Variants in RAPGEF5 observed in about 807,000 individuals in gnomAD.
The protein encoded by RAPGEF5 is M-Ras-regulated GEF.
Under a neutral mutation model 125.2 loss-of-function variants are expected in RAPGEF5, and 65 were observed. The observed-to-expected ratio is 0.52, with a 90% CI of 0.43 to 0.64. The LOEUF is 0.64. Among genes scored for constraint, RAPGEF5 ranks in the 30% least tolerant of loss-of-function variants. The pLI is 0.00. For synonymous variants in RAPGEF5, 391 were observed against 385.9 expected (o/e 1.01, Z -0.16); for missense variants, 958 against 1,048.1 (o/e 0.91, Z 1.19).
intron 5 of RAPGEF5, among the ~76,000 whole-genome samples, chr7:22,294,776 A>G (rs947245242): frequency 6.6e-6 from 1 of 152,124 alleles, no homozygotes. Context: ...CAGCCACAAC[A>G]TCTCTCACCT....
intron 5 of RAPGEF5, among the ~76,000 whole-genome samples, chr7:22,297,796 G>A (rs954053075): frequency 1.3e-5 from 2 of 152,202 alleles, no homozygotes; most frequent in Non-Finnish European, 2.9e-5. Flanking sequence ...CTGAGTGGAA[G>A]AGGTGTACTA....
intron 8 of RAPGEF5, among the ~76,000 whole-genome samples, chr7:22,223,505 C>T (rs1271138377): frequency 6.6e-6 from 1 of 152,094 alleles, no homozygotes; most frequent in East Asian, 1.9e-4. Context: ...AAGAGAGTTT[C>T]GCTTGCTTAT....
intron 20 of RAPGEF5, among the ~76,000 whole-genome samples, chr7:22,142,991 A>T (rs970330146): frequency 7.9e-5 from 12 of 152,374 alleles, no homozygotes; most frequent in African/African-American, 2.9e-4. Flanking sequence ...GCATGGGGCC[A>T]TATGGAGAAG....
chr7:22,268,242 T>G (rs544945837), intron 6 of RAPGEF5, among the ~76,000 whole-genome samples: 1 of 152,282 alleles, frequency 6.6e-6, no homozygotes, highest in Non-Finnish European at 1.5e-5. Context: ...CACCGTAAGA[T>G]TCTCTCAGGA....
At chr7:22,239,658 C>G (rs28544321) in intron 7 of RAPGEF5, among the ~76,000 whole-genome samples, 5 of 152,088 alleles carry the variant, frequency 3.3e-5, no homozygotes, top group African/African-American at 1.2e-4. Flanking sequence ...TAAGACTCTC[C>G]AAGCTTCTCT....
intron 11 of RAPGEF5, among the ~76,000 whole-genome samples, chr7:22,183,432 C>A (rs889878786): frequency 2.6e-5 from 4 of 151,740 alleles, no homozygotes; most frequent in Non-Finnish European, 5.9e-5. Flanking sequence ...TCCAGTTGTT[C>A]TAGAAAATTA....
chr7:22,356,214 G>A lies in RAPGEF5; in HGVS notation c.231+616C>T, dbSNP rs1334989694. 29 of 985,320 alleles carry A rather than the reference G, an allele frequency of 2.9e-5. No homozygotes were observed. The Middle Eastern group carries it at 1.5e-3, about 53-fold the overall frequency. 61.0% of individuals were successfully genotyped at this position (985,320 alleles called of 1,614,324 possible). On this transcript the variant is annotated intron_variant, in intron 1 of 25. Coordinates refer to ENST00000665637, the MANE Select transcript of RAPGEF5 (RefSeq NM_012294.5). ...AAATCGTATCTGAACACACCATCAG[G>A]AAGTCAATATTGAAGGTTCTTGGGG...
chr7:22,276,009 G>T (rs1252282008), intron 6 of RAPGEF5, among the ~76,000 whole-genome samples: 1 of 152,236 alleles, frequency 6.6e-6, no homozygotes, highest in Non-Finnish European at 1.5e-5. Context: ...TTTCAAAGCT[G>T]CTCTTACAAC....
rs1205830884 is a variant in RAPGEF5, at chr7:22,299,151, G to A, written c.681-7910C>T. Reference sequence around the variant, plus strand: ...TGTTTTTCTTTGGCTAGCTTTCTGAGGTGGAAGCCCTGATCATTGATCTAA... The same window carrying A: ...TGTTTTTCTTTGGCTAGCTTTCTGAAGTGGAAGCCCTGATCATTGATCTAA... On this transcript the variant is annotated intron_variant, in intron 5 of 25. Transcript: ENST00000665637. 4.0e-5 allele frequency among the ~76,000 whole-genome samples: 6 copies of A among 150,310 alleles called. No individual in the cohort carries two copies. The South Asian group carries it at 1.1e-3, about 27-fold the overall frequency.
chr7:22,229,598 T>G (rs1583499534), intron 8 of RAPGEF5, among the ~76,000 whole-genome samples: 1 of 152,244 alleles, frequency 6.6e-6, no homozygotes, highest in Admixed American at 6.5e-5. Flanking sequence ...ATTCTGCCTA[T>G]GTATCTGATG....
intron 3 of RAPGEF5, among the ~76,000 whole-genome samples, chr7:22,313,470 C>T (rs1466156615): frequency 1.3e-5 from 2 of 152,166 alleles, no homozygotes; most frequent in Non-Finnish European, 2.9e-5. Flanking sequence ...CATGTTTAAA[C>T]CCAGAATATT....
chr7:22,199,868 C>T (rs191435688), intron 9 of RAPGEF5, among the ~76,000 whole-genome samples: 1 of 152,224 alleles, frequency 6.6e-6, no homozygotes, highest in East Asian at 1.9e-4. Context: ...GTGCTAACAG[C>T]AGAGATGGAC....
At chr7:22,232,621 T>C (rs1786088024) in intron 7 of RAPGEF5, among the ~76,000 whole-genome samples, 1 of 152,192 alleles carries the variant, frequency 6.6e-6, no homozygotes, top group Non-Finnish European at 1.5e-5. Flanking sequence ...ACGCTTGGCC[T>C]GTGTACTTTT....
intron 23 of RAPGEF5, among the ~76,000 whole-genome samples, chr7:22,134,553 G>A (rs975108567): frequency 2.0e-5 from 3 of 152,304 alleles, no homozygotes; most frequent in East Asian, 1.9e-4. Context: ...AGAAGGCTCT[G>A]TTCATATCTA....
At chr7:22,250,643 C>G (rs1242430947) in intron 7 of RAPGEF5, among the ~76,000 whole-genome samples, 1 of 151,304 alleles carries the variant, frequency 6.6e-6, no homozygotes, top group African/African-American at 2.4e-5. Flanking sequence ...ATACAAATGA[C>G]AGAAGAAAAT....
intron 21 of RAPGEF5, among the ~76,000 whole-genome samples, chr7:22,139,438 C>T (rs1461014790): frequency 1.3e-5 from 2 of 152,072 alleles, no homozygotes; most frequent in Non-Finnish European, 2.9e-5. Flanking sequence ...AGGGGTATCC[C>T]CAGTTTCAGG....
In RAPGEF5 at chr7:22,193,257, T is replaced by A. The variant is rs1785051253; in HGVS notation, c.1204+110A>T. ...GGGACGAGTCGCACAAAGCATATGC[T>A]ATTTCTCCCCACCCCGGTTTCAGCT... On this transcript the variant is annotated intron_variant, in intron 11 of 25. Transcript: ENST00000665637. 28 of 1,210,968 alleles carry A rather than the reference T, an allele frequency of 2.3e-5. No individual in the cohort carries two copies. The South Asian group carries it at 4.0e-4, about 17-fold the overall frequency. The allele number at this position is 1,210,968 out of a possible 1,614,324, so 75.0% of individuals were successfully genotyped here. A position where few individuals can be genotyped will look rare whatever the true frequency, so the allele number is the denominator to read the frequency against.
chr7:22,328,356 G>A (rs1027653860), intron 1 of RAPGEF5, among the ~76,000 whole-genome samples: 4 of 152,238 alleles, frequency 2.6e-5, no homozygotes, highest in Admixed American at 6.5e-5. Flanking sequence ...CCACACCTGG[G>A]AGTCTGGAAG....
intron 8 of RAPGEF5, among the ~76,000 whole-genome samples, chr7:22,222,654 C>T (rs1335153404): frequency 2.0e-5 from 3 of 152,150 alleles, no homozygotes; most frequent in African/African-American, 7.2e-5. Context: ...TCCTTATAGG[C>T]TGTATAAGGA....
Sources: gnomAD v4.1 joint callset for allele counts (sites outside exome capture counted in the v4.1 genomes callset) on GRCh38, gnomAD v4.1.1 for gene constraint, MANE v1.5 for transcripts, NCBI Gene and HGNC (gene_info 2026-07-23, HGNC 2026-07-21) for gene names.